MOB1B: variants seen among roughly 807,000 people sequenced by gnomAD.
MOB1B encodes MOB kinase activator 1B.
MOB1B carries 19 observed loss-of-function variants against 24.4 expected under a neutral mutation model. The observed-to-expected ratio is 0.78, with a 90% CI of 0.54 to 1.14. MOB1B has a LOEUF of 1.14. Among genes scored for constraint, MOB1B ranks in the 50% most tolerant of loss-of-function variants. MOB1B has a pLI of 0.00. For missense variants in MOB1B, 243 were observed against 259.6 expected, an observed-to-expected ratio of 0.94 and a Z score of 0.44; for synonymous variants, 76 against 82.1, an observed-to-expected ratio of 0.93 and a Z score of 0.40.
intron 1 of MOB1B, among the ~76,000 whole-genome samples, chr4:70,957,508 A>G (rs112074543): frequency 0.013 from 1,954 of 148,886 alleles, 38 homozygotes; most frequent in African/African-American, 0.046. Context: ...ATCATTGCTC[A>G]CTGCAGTCTT....
intron 4 of MOB1B, among the ~76,000 whole-genome samples, chr4:70,976,980 C>T (rs1651376243): frequency 6.6e-6 from 1 of 151,964 alleles, no homozygotes; most frequent in Admixed American, 6.6e-5. Context: ...CTCTCCCTCT[C>T]CCGAGCCTCT....
In MOB1B at chr4:70,929,929, A is replaced by AT. The variant is rs574094945; in HGVS notation, c.14+27385dup. 9.8e-3 allele frequency among the ~76,000 whole-genome samples: 1,484 copies of AT among 152,054 alleles called. 8 individuals carry two copies. The highest frequency in any genetic ancestry group is 0.017 in the Non-Finnish European group (1,151 of 67,972). On this transcript the variant is annotated intron_variant, in intron 1 of 5. Transcript: ENST00000309395. ...ACTGCGCCCAGCCTTAATTTTTAAA[A>AT]TTTTTTGTAGAGACAGCGTCTCCCT...
intron 1 of MOB1B, among the ~76,000 whole-genome samples, chr4:70,936,419 A>C (rs531290364): frequency 1.3e-5 from 2 of 152,318 alleles, no homozygotes; most frequent in South Asian, 4.1e-4. Flanking sequence ...GCAAAACACT[A>C]GGCTGGTCTT....
At chr4:70,973,256 A>G (rs1235280403) in intron 3 of MOB1B, among the ~76,000 whole-genome samples, 2 of 152,116 alleles carry the variant, frequency 1.3e-5, no homozygotes, top group Admixed American at 1.3e-4. Flanking sequence ...GGGAAGGTTA[A>G]AAATGTTAAG....
chr4:70,957,397 A>G (rs1176345993), intron 1 of MOB1B, among the ~76,000 whole-genome samples: 1 of 151,206 alleles, frequency 6.6e-6, no homozygotes, highest in Non-Finnish European at 1.5e-5. Context: ...ATTTGCTAGT[A>G]TTAACAGAAG....
At chr4:70,935,370 T>G (rs955603072) in intron 1 of MOB1B, among the ~76,000 whole-genome samples, 1 of 152,172 alleles carries the variant, frequency 6.6e-6, no homozygotes, top group Non-Finnish European at 1.5e-5. Context: ...AGTAAAAAAT[T>G]AAGCATTATG....
intron 1 of MOB1B, among the ~76,000 whole-genome samples, chr4:70,948,107 C>CA (rs1252995965): frequency 6.6e-6 from 1 of 152,078 alleles, no homozygotes; most frequent in African/African-American, 2.4e-5. Flanking sequence ...GTGAAAGGTG[C>CA]AAGATCTGTG....
intron 1 of MOB1B, among the ~76,000 whole-genome samples, chr4:70,929,784 T>G (rs1172338977): frequency 6.6e-6 from 1 of 152,006 alleles, no homozygotes; most frequent in African/African-American, 2.4e-5. Context: ...TAGCTGGGAC[T>G]ACAGGCACCC....
At chr4:70,960,219 C>T (rs1738250217) in intron 2 of MOB1B, among the ~76,000 whole-genome samples, 3 of 152,016 alleles carry the variant, frequency 2.0e-5, no homozygotes, top group African/African-American at 4.8e-5. Flanking sequence ...ATCAAGTAGT[C>T]ATCTTATGAA....
chr4:70,946,495 G>C (rs1016694655), intron 1 of MOB1B, among the ~76,000 whole-genome samples: 1 of 152,126 alleles, frequency 6.6e-6, no homozygotes, highest in Admixed American at 6.5e-5. Context: ...AGCAGGAGGA[G>C]GTCATATTTT....
chr4:70,946,934 T>C (rs1261714729), intron 1 of MOB1B, among the ~76,000 whole-genome samples: 2 of 152,218 alleles, frequency 1.3e-5, no homozygotes, highest in Admixed American at 6.5e-5. Flanking sequence ...TCCAAGATTA[T>C]ATTTTTCTTT....
chr4:70,905,411 G>A (rs939123305), intron 1 of MOB1B, among the ~76,000 whole-genome samples: 2 of 151,688 alleles, frequency 1.3e-5, no homozygotes, highest in Admixed American at 1.3e-4. Flanking sequence ...ACTATGCCTA[G>A]CTAATTTTTT....
intron 2 of MOB1B, among the ~76,000 whole-genome samples, chr4:70,964,698 G>A (rs769022127): frequency 2.0e-5 from 3 of 152,204 alleles, no homozygotes; most frequent in Non-Finnish European, 2.9e-5. Context: ...GGGAGGCCAA[G>A]GTGGGTGGAT....
rs1739251943 is a variant in MOB1B at position 70,982,643 on chromosome 4, TA to T, written c.*592del. 1 of 152,614 alleles carries T rather than the reference TA, an allele frequency of 6.6e-6. No individual in the cohort carries two copies. The highest frequency in any genetic ancestry group is 2.1e-4 in the South Asian group (1 of 4,832). 9.5% of individuals were successfully genotyped at this position (152,614 alleles called of 1,614,324 possible). A position where few individuals can be genotyped will look rare whatever the true frequency, so the allele number is the denominator to read the frequency against. ...TTTGTAAAGGTATGCATGTAGAACA[TA>T]AAAAATATTTCTTAATTATTTTTTA... On this transcript the variant is annotated 3_prime_UTR_variant, in exon 6 of 6. Transcript: ENST00000309395.
chr4:70,915,541 A>G (rs140234533), intron 1 of MOB1B, among the ~76,000 whole-genome samples: 124 of 152,330 alleles, frequency 8.1e-4, no homozygotes, highest in African/African-American at 2.8e-3. Context: ...TACGCCCTAT[A>G]TAAATGGAGA....
chr4:70,944,878 C>G (rs1353145394), intron 1 of MOB1B, among the ~76,000 whole-genome samples: 1 of 152,138 alleles, frequency 6.6e-6, no homozygotes, highest in East Asian at 1.9e-4. Context: ...GAAGGACCCA[C>G]CCCCATGATC....
intron 1 of MOB1B, among the ~76,000 whole-genome samples, chr4:70,912,386 T>TA: frequency 6.6e-6 from 1 of 151,788 alleles, no homozygotes; most frequent in Admixed American, 6.6e-5. Flanking sequence ...TTCAAGTAAT[T>TA]CACCTGCTTC....
At chr4:70,932,885 A>G (rs779022071) in intron 1 of MOB1B, among the ~76,000 whole-genome samples, 26 of 152,208 alleles carry the variant, frequency 1.7e-4, no homozygotes, top group Admixed American at 6.5e-4. Flanking sequence ...TAGAATGAAA[A>G]GTCTCCATTT....
intron 1 of MOB1B, among the ~76,000 whole-genome samples, chr4:70,905,533 AC>A (rs769670294): frequency 1.3e-5 from 2 of 151,994 alleles, no homozygotes; most frequent in African/African-American, 2.4e-5. Context: ...GTGAGCCATT[AC>A]ACCTGGCTAT....
Sources: gnomAD v4.1 joint callset for allele counts (sites outside exome capture counted in the v4.1 genomes callset) on GRCh38, gnomAD v4.1.1 for gene constraint, MANE v1.5 for transcripts, NCBI Gene and HGNC (gene_info 2026-07-23, HGNC 2026-07-21) for gene names.